Variants in SPECC1L observed in about 807,000 individuals in gnomAD.
The protein encoded by SPECC1L is sperm antigen with calponin homology and coiled-coil domains 1 like.
Under a neutral mutation model 116.8 loss-of-function variants are expected in SPECC1L, and 40 were observed. That is an observed-to-expected ratio of 0.34 (90% CI 0.27 to 0.45). The LOEUF is 0.45. SPECC1L is among the 20% of genes least tolerant of loss of function. The pLI is 1.00. For missense variants in SPECC1L, 1,110 were observed against 1,373.6 expected, an observed-to-expected ratio of 0.81 and a Z score of 3.03; for synonymous variants, 504 against 500.6, an observed-to-expected ratio of 1.01 and a Z score of -0.09.
intron 14 of SPECC1L, among the ~76,000 whole-genome samples, chr22:24,385,616 A>G (rs2042146912): frequency 6.6e-6 from 1 of 152,232 alleles, no homozygotes; most frequent in Admixed American, 6.5e-5. Flanking sequence ...CCGTAATGAT[A>G]AAGAATTAAA....
intron 14 of SPECC1L, among the ~76,000 whole-genome samples, chr22:24,387,046 T>A (rs967943558): frequency 6.6e-6 from 1 of 152,174 alleles, no homozygotes; most frequent in Non-Finnish European, 1.5e-5. Context: ...ACAAGAACAC[T>A]TGCACCCTGC....
At chr22:24,319,183 C>T (rs1012623230) in intron 4 of SPECC1L, among the ~76,000 whole-genome samples, 6 of 152,124 alleles carry the variant, frequency 3.9e-5, no homozygotes, top group African/African-American at 1.4e-4. Context: ...AAGAACTGCC[C>T]CAGACTGAGT....
chr22:24,383,310 C>T (rs1220134311), intron 14 of SPECC1L, among the ~76,000 whole-genome samples: 1 of 152,172 alleles, frequency 6.6e-6, no homozygotes, highest in Non-Finnish European at 1.5e-5. Flanking sequence ...GGCACAGTGG[C>T]TCATACCTGT....
chr22:24,388,080 T>TTTA lies in SPECC1L; in HGVS notation c.3087+18777_3087+18779dup, dbSNP rs537731356. Among the ~76,000 whole-genome samples the TTTA allele has an allele frequency of 2.7e-4, 41 of 151,806 alleles. No individual in the cohort carries two copies. The South Asian group carries it at 6.5e-3, about 24-fold the overall frequency. On this transcript the variant is annotated intron_variant, in intron 14 of 16. Transcript: ENST00000314328. ...CTCTTCCTGTTCTTAAAATTCTTTT[T>TTTA]TTATTATTATTATTATTATACTTTA...
chr22:24,358,666 A>G (rs5760361), intron 11 of SPECC1L, among the ~76,000 whole-genome samples: 2 of 152,066 alleles, frequency 1.3e-5, no homozygotes, highest in Admixed American at 6.6e-5. Context: ...CCACAGCCTC[A>G]CTTTCCAACT....
intron 2 of SPECC1L, among the ~76,000 whole-genome samples, chr22:24,290,092 T>A (rs1396004715): frequency 6.6e-6 from 1 of 152,180 alleles, no homozygotes; most frequent in African/African-American, 2.4e-5. Flanking sequence ...CACCATCACC[T>A]CCTTATCTTG....
chr22:24,411,277 G>A (rs2042692799), intron 14 of SPECC1L, among the ~76,000 whole-genome samples: 1 of 152,218 alleles, frequency 6.6e-6, no homozygotes, highest in African/African-American at 2.4e-5. Flanking sequence ...CACCCCAACA[G>A]GTCATGGTAG....
intron 3 of SPECC1L, among the ~76,000 whole-genome samples, chr22:24,307,579 GTGTGTC>G (rs1456401045): frequency 1.3e-5 from 2 of 151,858 alleles, no homozygotes; most frequent in Non-Finnish European, 2.9e-5. Flanking sequence ...TATGGGGTAT[GTGTGTC>G]TGTGTGTGTA....
intron 14 of SPECC1L, among the ~76,000 whole-genome samples, chr22:24,394,493 AT>A (rs1298882139): frequency 1.3e-5 from 2 of 152,214 alleles, no homozygotes; most frequent in Non-Finnish European, 2.9e-5. Context: ...GGATTTCAAC[AT>A]AAGAATTTGG....
chr22:24,353,635 T>G (rs1204372479), intron 11 of SPECC1L, among the ~76,000 whole-genome samples: 1 of 152,100 alleles, frequency 6.6e-6, no homozygotes, highest in East Asian at 1.9e-4. Context: ...CTTGAACTCC[T>G]GACCTCAGGT....
At chr22:24,307,155 G>C (rs80047627) in intron 3 of SPECC1L, among the ~76,000 whole-genome samples, 6,376 of 152,208 alleles carry the variant, frequency 0.042, 449 homozygotes, top group African/African-American at 0.15. Flanking sequence ...TCAATTTTGG[G>C]GGGGGTATAT....
Position 24,322,744 on chromosome 22 carries a change from G to A in SPECC1L, c.1764G>A (p.Gln588=). The change falls in exon 5 of 17, where the codon CAG becomes CAA. Residue 588 remains glutamine (Q), a synonymous_variant. Transcript: ENST00000314328. The part of the protein sequence containing the change: ...RLKAQLENEK[Q]KVAELYSIHN... Reference sequence around the variant, plus strand: ...AGGCTCAGCTGGAGAATGAAAAGCAGAAAGTGGCAGAGCTGTATTCTATCC... The same window carrying A: ...AGGCTCAGCTGGAGAATGAAAAGCAAAAAGTGGCAGAGCTGTATTCTATCC... The A allele has an allele frequency of 6.3e-7, 1 of 1,580,816 alleles. No homozygotes were observed. Among genetic ancestry groups the A allele is most frequent in the Non-Finnish European group, 8.6e-7 (1 of 1,165,576 alleles).
rs200945850 is a variant in SPECC1L at position 24,321,892 on chromosome 22, C to G, written c.912C>G (p.Ser304Arg). 1.2e-6 allele frequency: 2 copies of G among 1,614,232 alleles called. No homozygotes were observed. Among genetic ancestry groups the G allele is most frequent in the Admixed American group, 3.3e-5 (2 of 60,026 alleles). ...LSPEITPGNQ[S>R]DGGGTLTSSV... ...CAGAAATCACCCCTGGTAACCAGAG[C>G]GATGGAGGAGGAACTCTGACTTCTT... Residue 304 changes from serine to arginine, a missense_variant, in exon 5 of 17, where the codon AGC becomes AGG. Physicochemically the swap from Ser to Arg is moderately radical, Grantham distance 110. Coordinates refer to ENST00000314328, the MANE Select transcript of SPECC1L (RefSeq NM_015330.6).
intron 14 of SPECC1L, among the ~76,000 whole-genome samples, 158 bp from the exon 15 acceptor site, chr22:24,411,430 A>G (rs369054687): frequency 1.3e-5 from 2 of 152,330 alleles, no homozygotes; most frequent in African/African-American, 4.8e-5. Flanking sequence ...TTGGGGAGTC[A>G]TAGATACCAG....
At chr22:24,380,253 C>T (rs771064397) in intron 14 of SPECC1L, among the ~76,000 whole-genome samples, 2 of 152,192 alleles carry the variant, frequency 1.3e-5, no homozygotes, top group Non-Finnish European at 2.9e-5. Context: ...AGTGCCAGTG[C>T]CCTTTGCCTG....
intron 2 of SPECC1L, among the ~76,000 whole-genome samples, chr22:24,277,368 G>A (rs529275809): frequency 6.6e-6 from 1 of 152,216 alleles, no homozygotes; most frequent in South Asian, 2.1e-4. Context: ...CAAAATCACA[G>A]GTTTATGGAG....
At chr22:24,330,116 A>T in intron 7 of SPECC1L, 140 bp from the exon 8 acceptor site, 1 of 815,622 alleles carries the variant, frequency 1.2e-6, no homozygotes, top group Non-Finnish European at 2.0e-6. Flanking sequence ...GATACTAGCA[A>T]TTCTCTGGGA....
intron 3 of SPECC1L, 127 bp downstream of exon 3, chr22:24,302,511 G>C: frequency 8.0e-7 from 1 of 1,250,446 alleles, no homozygotes; most frequent in Non-Finnish European, 1.2e-6. Context: ...CTTGGCCTTT[G>C]AAGAGAGCTT....
chr22:24,339,024 A>G (rs1226485292), intron 10 of SPECC1L, among the ~76,000 whole-genome samples: 2 of 152,208 alleles, frequency 1.3e-5, no homozygotes, highest in African/African-American at 4.8e-5. Context: ...GCTTGAAAGA[A>G]CAGTTTTGTT....
Sources: allele counts gnomAD v4.1 joint callset (sites outside exome capture counted in the v4.1 genomes callset), GRCh38; gene constraint gnomAD v4.1.1; transcripts MANE v1.5; gene names NCBI Gene and HGNC (gene_info 2026-07-23, HGNC 2026-07-21).